Variants in BTD observed in about 807,000 individuals in gnomAD.
BTD encodes biotinidase.
BTD carries 13 observed loss-of-function variants against 17.7 expected under a neutral mutation model. The observed-to-expected ratio is 0.74, with a 90% CI of 0.48 to 1.17. The LOEUF (loss-of-function observed/expected upper bound fraction) is 1.17, where lower values mean the gene tolerates loss of function less well. BTD is among the 50% of genes most tolerant of loss of function. The pLI is 0.00. For synonymous variants in BTD, 240 were observed against 245.2 expected, an observed-to-expected ratio of 0.98 and a Z score of 0.20; for missense variants, 674 against 650.4, an observed-to-expected ratio of 1.04 and a Z score of -0.39.
chr3:15,602,060 TGCTACC>T (rs2064274848), intron 1 of BTD, 166 bp downstream of exon 1: 39 of 1,451,640 alleles, frequency 2.7e-5, no homozygotes, highest in Non-Finnish European at 3.4e-5. Context: ...GTTGCTGCTG[TGCTACC>T]GCGTTGCGTT....
At chr3:15,672,253 C>CCCACCTCAG (rs894287983) in intron 3 of BTD, among the ~76,000 whole-genome samples, 4 of 151,948 alleles carry the variant, frequency 2.6e-5, no homozygotes, top group Non-Finnish European at 5.9e-5. Context: ...AAGTGATCCT[C>CCCACCTCAG]CCACCTCAGC....
intron 1 of BTD, among the ~76,000 whole-genome samples, chr3:15,612,922 C>T (rs1235564823): frequency 1.3e-5 from 2 of 152,100 alleles, no homozygotes; most frequent in African/African-American, 4.8e-5. Context: ...TTCAACTGAT[C>T]GTTGAAAGAA....
chr3:15,642,522 TCAGCTCACTGCAAGCTCTGCCTTC>T (rs2065545619), intron 3 of BTD, among the ~76,000 whole-genome samples: 1 of 150,536 alleles, frequency 6.6e-6, no homozygotes, highest in Non-Finnish European at 1.5e-5. Context: ...TGGCGCGATC[TCAGCTCACTGCAAGCTCTGCCTTC>T]CGGGTTCATG....
intron 3 of BTD, chr3:15,709,602 A>C (rs1366019830): frequency 1.8e-6 from 2 of 1,102,350 alleles, no homozygotes; most frequent in Admixed American, 4.9e-5. Flanking sequence ...TTCAGAAGCC[A>C]GTTAGAAGGT....
chr3:15,650,944 TA>T lies in BTD; in HGVS notation c.*5457del. Among the ~76,000 whole-genome samples, 1 of 152,276 alleles carries T rather than the reference TA, an allele frequency of 6.6e-6. No homozygotes were observed. Among genetic ancestry groups the T allele is most frequent in the East Asian group, 1.9e-4 (1 of 5,180 alleles). Reference sequence around the variant, plus strand: ...GCCACCACGCCCAGCTAATTTTTTGTATTTTTATAGAGACAGGGTTTCACCA... The same window carrying T: ...GCCACCACGCCCAGCTAATTTTTTGTTTTTTATAGAGACAGGGTTTCACCA... On this transcript the variant is annotated 3_prime_UTR_variant, in exon 4 of 4. Transcript: ENST00000643237.
intron 1 of BTD, among the ~76,000 whole-genome samples, chr3:15,607,653 A>G (rs2064495614): frequency 6.6e-6 from 1 of 152,262 alleles, no homozygotes. Flanking sequence ...TATTATCAAA[A>G]TGTGAAATGT....
intron 1 of BTD, among the ~76,000 whole-genome samples, chr3:15,616,915 C>T (rs1354078816): frequency 6.6e-6 from 1 of 152,138 alleles, no homozygotes; most frequent in South Asian, 2.1e-4. Context: ...TCACTGCAAC[C>T]TCCGCCTCCT....
chr3:15,601,400 G>A, upstream of BTD: 6 of 1,614,090 alleles, frequency 3.7e-6, no homozygotes, highest in African/African-American at 1.3e-5. Context: ...TTCAGGGCCT[G>A]AGCGATGACT....
At chr3:15,676,222 C>G (rs1002081246) in intron 3 of BTD, 1 of 389,930 alleles carries the variant, frequency 2.6e-6, no homozygotes, top group Non-Finnish European at 4.6e-6. Flanking sequence ...TAGGTCCCAT[C>G]GACAGGTCCC....
chr3:15,662,123 A>G (rs1313064231), intron 3 of BTD, among the ~76,000 whole-genome samples: 2 of 152,330 alleles, frequency 1.3e-5, no homozygotes, highest in African/African-American at 2.4e-5. Context: ...TTGCCTCTCC[A>G]TATAAACTTT....
chr3:15,642,733 A>T (rs1195075629), intron 3 of BTD, among the ~76,000 whole-genome samples: 1 of 151,996 alleles, frequency 6.6e-6, no homozygotes, highest in Non-Finnish European at 1.5e-5. Flanking sequence ...AAGTGCTGGG[A>T]TTACAGGCAT....
chr3:15,601,939 C>A (rs1481556551), intron 1 of BTD, 45 bp downstream of exon 1: 2 of 1,610,670 alleles, frequency 1.2e-6, no homozygotes, highest in Non-Finnish European at 1.7e-6. Flanking sequence ...GTGGTAAGGG[C>A]GTGCGGTCCA....
At chr3:15,700,282 C>T (rs946352061) in intron 3 of BTD, among the ~76,000 whole-genome samples, 17 of 152,178 alleles carry the variant, frequency 1.1e-4, no homozygotes, top group African/African-American at 3.1e-4. Context: ...GAACATCATA[C>T]ACCGGGGCCT....
At position 15,645,443 on chromosome 3, in the gene BTD, G is replaced by A. The variant is rs1388523400; in HGVS notation, c.1527G>A (p.Gly509=). The stretch of plus-strand genomic sequence containing the variant: ...TGAGGAAAAGTAGGCTGTCCTCTGG[G>A]CTGGTGACGGCGGCTCTCTATGGGC... ...YFLRKSRLSS[G]LVTAALYGRL... is the part of the protein sequence containing the mutation. The change falls in exon 4 of 4, where the codon GGG becomes GGA. Residue 509 remains glycine, a synonymous_variant. Transcript: ENST00000643237. 1.2e-6 allele frequency: 2 copies of A among 1,612,558 alleles called. No homozygotes were observed. Among genetic ancestry groups the A allele is most frequent in the South Asian group, 1.1e-5 (1 of 91,068 alleles).
intron 3 of BTD, chr3:15,695,293 G>T: frequency 9.1e-7 from 1 of 1,099,218 alleles, no homozygotes; most frequent in Non-Finnish European, 1.3e-6. Context: ...ATAGAGCTTT[G>T]CTAACTTTTA....
At chr3:15,714,562 CAG>C (rs758315519), downstream of BTD, 68 of 1,129,678 alleles carry the variant, frequency 6.0e-5, no homozygotes, top group Admixed American at 6.9e-5. Context: ...AAAAAAAAAA[CAG>C]AAATACTTTT....
chr3:15,709,711 G>C lies in BTD; in HGVS notation c.400-349G>C, dbSNP rs750271173. 129 of 1,580,236 alleles carry C rather than the reference G, an allele frequency of 8.2e-5. 1 individual carries two copies. Among genetic ancestry groups the C allele is most frequent in the Non-Finnish European group, 1.1e-4 (123 of 1,161,332 alleles). Reference sequence around the variant, plus strand: ...TTATTAAAGTCTGCACCAGTATTCAGCAGAAGGTTTAGGCACTCCAAATTC... The same window carrying C: ...TTATTAAAGTCTGCACCAGTATTCACCAGAAGGTTTAGGCACTCCAAATTC... On this transcript the variant is annotated intron_variant, in intron 3 of 3. Transcript: ENST00000672141.
At chr3:15,662,458 T>TA (rs2125542305) in intron 3 of BTD, among the ~76,000 whole-genome samples, 1 of 152,386 alleles carries the variant, frequency 6.6e-6, no homozygotes, top group East Asian at 1.9e-4. Flanking sequence ...ATGAACCTTG[T>TA]ATCTTGCAAT....
Position 15,607,764 on chromosome 3 carries a change from T to G in BTD, c.-17+5870T>G, listed in dbSNP as rs182765528. The stretch of plus-strand genomic sequence containing the variant: ...TAAGATAAAACTGATACTGAATATC[T>G]TAAAAATAAAAAGGCGGAAACAACA... On this transcript the variant is annotated intron_variant, in intron 1 of 3. Coordinates refer to ENST00000643237, the MANE Select transcript of BTD (RefSeq NM_001370658.1). Among the ~76,000 whole-genome samples the G allele has an allele frequency of 7.2e-5, 11 of 152,254 alleles. No homozygotes were observed. The East Asian group carries it at 2.1e-3, about 29-fold the overall frequency.
Sources: allele counts gnomAD v4.1 joint callset (sites outside exome capture counted in the v4.1 genomes callset), GRCh38; gene constraint gnomAD v4.1.1; transcripts MANE v1.5; gene names NCBI Gene and HGNC (gene_info 2026-07-23, HGNC 2026-07-21).